Variants in DHX9 observed in about 807,000 individuals in gnomAD.
The protein encoded by DHX9 is ATP-dependent RNA helicase A.
In DHX9, 27 loss-of-function variants were observed where a neutral mutation model predicts 148.7. The observed-to-expected ratio is 0.18, with a 90% CI of 0.13 to 0.25. DHX9 has a LOEUF of 0.25. Among genes scored for constraint, DHX9 ranks in the 10% least tolerant of loss-of-function variants. DHX9 has a pLI of 1.00. For synonymous variants in DHX9, 529 were observed against 516.6 expected, an observed-to-expected ratio of 1.02 and a Z score of -0.33; for missense variants, 796 against 1,559.6, an observed-to-expected ratio of 0.51 and a Z score of 8.25.
intron 5 of DHX9, 63 bp downstream of exon 5, chr1:182,853,481 G>A: frequency 7.9e-7 from 1 of 1,259,836 alleles, no homozygotes; most frequent in East Asian, 2.3e-5. Context: ...TAACAGCAAA[G>A]CTTAGGATTA....
chr1:182,853,270 T>C (rs1005640419), intron 4 of DHX9, 36 bp from the exon 5 acceptor site: 1 of 1,439,298 alleles, frequency 6.9e-7, no homozygotes, highest in East Asian at 2.3e-5. Context: ...TTTCTACAGT[T>C]ATGACTCATT....
At chr1:182,882,563 G>T (rs1649132667) in intron 24 of DHX9, among the ~76,000 whole-genome samples, 1 of 152,104 alleles carries the variant, frequency 6.6e-6, no homozygotes, top group Admixed American at 6.5e-5. Context: ...TTGATTGGGG[G>T]ACTTTAAAAA....
intron 12 of DHX9, among the ~76,000 whole-genome samples, chr1:182,863,452 CTTGG>C (rs1417020885): frequency 1.3e-5 from 2 of 152,038 alleles, no homozygotes; most frequent in African/African-American, 4.8e-5. Context: ...TCTCTGTGTT[CTTGG>C]TTCTTATTTA....
chr1:182,884,860 C>T (rs758189305), intron 27 of DHX9, 47 bp downstream of exon 27: 1 of 1,576,560 alleles, frequency 6.3e-7, no homozygotes, highest in African/African-American at 1.3e-5. Context: ...GGGGAGAGAT[C>T]TTATGTAGGC....
chr1:182,840,517 C>CAA (rs1667904384), intron 1 of DHX9, among the ~76,000 whole-genome samples: 2 of 152,098 alleles, frequency 1.3e-5, no homozygotes, highest in Non-Finnish European at 2.9e-5. Context: ...CCAGGATGGT[C>CAA]TCGATCTCTC....
chr1:182,842,590 G>A lies in DHX9; in HGVS notation c.24G>A (p.Leu8=). 1 of 1,613,286 alleles carries A rather than the reference G, an allele frequency of 6.2e-7. No homozygotes were observed. The highest frequency in any genetic ancestry group is 8.5e-7 in the Non-Finnish European group (1 of 1,179,566). MGDVKNF[L]YAWCGKRKMT... ...TCATGGGTGACGTTAAAAATTTTCTGTATGCCTGGTGTGGCAAAAGGAAGA... is the reference window on the plus strand; with the variant it reads ...TCATGGGTGACGTTAAAAATTTTCTATATGCCTGGTGTGGCAAAAGGAAGA... Residue 8 remains leucine (L), a synonymous_variant, in exon 2 of 28, where the codon CTG becomes CTA. Coordinates refer to ENST00000367549, the MANE Select transcript of DHX9 (RefSeq NM_001357.5).
At chr1:182,861,388 G>C (rs1341446669) in intron 12 of DHX9, among the ~76,000 whole-genome samples, 6 of 152,284 alleles carry the variant, frequency 3.9e-5, no homozygotes, top group African/African-American at 1.4e-4. Context: ...TGCAGCCCCA[G>C]ATGTCATCAT....
intron 7 of DHX9, among the ~76,000 whole-genome samples, chr1:182,857,733 A>G (rs1481947312): frequency 1.3e-5 from 2 of 152,046 alleles, no homozygotes; most frequent in Non-Finnish European, 2.9e-5. Context: ...CTAGGTAACC[A>G]CTCTGGACCC....
chr1:182,883,741 AT>A, intron 26 of DHX9, 106 bp downstream of exon 26: 1 of 677,706 alleles, frequency 1.5e-6, no homozygotes, highest in Non-Finnish European at 2.4e-6. Flanking sequence ...ATCTAACTTA[AT>A]TATATACTAT....
intron 6 of DHX9, among the ~76,000 whole-genome samples, chr1:182,854,486 G>T (rs1230127369): frequency 6.6e-6 from 1 of 152,140 alleles, no homozygotes; most frequent in Non-Finnish European, 1.5e-5. Context: ...GTCCCTAGTT[G>T]ATGTAAAAGC....
chr1:182,872,061 C>T (rs1381198225), intron 14 of DHX9, among the ~76,000 whole-genome samples: 3 of 152,180 alleles, frequency 2.0e-5, no homozygotes, highest in African/African-American at 4.8e-5. Context: ...CCGCCTTGAC[C>T]TCCAAAAATA....
At chr1:182,851,291 A>C (rs907798198) in intron 3 of DHX9, among the ~76,000 whole-genome samples, 1 of 152,240 alleles carries the variant, frequency 6.6e-6, no homozygotes, top group Non-Finnish European at 1.5e-5. Context: ...AAAGCGCCCA[A>C]AAAACCCTAA....
chr1:182,861,132 T>C (rs1218853028), intron 12 of DHX9, among the ~76,000 whole-genome samples: 1 of 152,190 alleles, frequency 6.6e-6, no homozygotes, highest in East Asian at 1.9e-4. Context: ...ATAATTAGTA[T>C]ATTTGTATAA....
intron 5 of DHX9, 94 bp from the exon 6 acceptor site, chr1:182,853,936 A>G (rs992273711): frequency 4.3e-5 from 49 of 1,136,026 alleles, no homozygotes; most frequent in Non-Finnish European, 5.5e-5. Flanking sequence ...TTTGCATTAT[A>G]AAGGATAGTA....
At chr1:182,843,668 T>TA (rs796246060) in intron 3 of DHX9, among the ~76,000 whole-genome samples, 6 of 152,336 alleles carry the variant, frequency 3.9e-5, no homozygotes, top group African/African-American at 1.4e-4. Flanking sequence ...CTTTGTGTCT[T>TA]ATGGCTTTAT....
chr1:182,842,799 G>A (rs1667955754), intron 2 of DHX9, 122 bp downstream of exon 2: 1 of 630,232 alleles, frequency 1.6e-6, no homozygotes, highest in Non-Finnish European at 2.6e-6. Context: ...GTTCTTTATT[G>A]TGACTTGACT....
chr1:182,857,559 G>A (rs1024616468), intron 7 of DHX9, among the ~76,000 whole-genome samples: 6 of 152,142 alleles, frequency 3.9e-5, no homozygotes, highest in Admixed American at 1.3e-4. Flanking sequence ...CTTGAAAAAC[G>A]TAAAGCCATT....
Position 182,878,094 on chromosome 1 carries a change from C to G in DHX9, c.2272C>G (p.Leu758Val), listed in dbSNP as rs1419626908. 6.2e-7 allele frequency: 1 copy of G among 1,614,132 alleles called. No individual in the cohort carries two copies. Among genetic ancestry groups the G allele is most frequent in the African/African-American group, 1.3e-5 (1 of 74,938 alleles). The change falls in exon 20 of 28, where the codon CTT (leucine) becomes GTT (valine). Residue 758 changes from leucine (L) to valine (V), a missense_variant. This residue lies in a region of DHX9 where 6 missense variants were observed against 74.7 expected (regional missense o/e 0.08). Transcript: ENST00000367549. ...YATVWASKTN[L>V]EQRKGRAGRV... The stretch of plus-strand genomic sequence containing the variant: ...TACCGTATGGGCATCAAAAACAAAC[C>G]TTGAGCAACGGAAAGGGCGAGCTGG...
At chr1:182,853,949 AAGAC>A (rs1668208549) in intron 5 of DHX9, 77 bp from the exon 6 acceptor site, 2 of 1,311,148 alleles carry the variant, frequency 1.5e-6, no homozygotes, top group African/African-American at 1.5e-5. Context: ...GGATAGTACA[AAGAC>A]AGTATTAAAA....
Sources: allele counts gnomAD v4.1 joint callset (sites outside exome capture counted in the v4.1 genomes callset), GRCh38; gene constraint gnomAD v4.1.1; regional missense constraint gnomAD v4.1.1; transcripts MANE v1.5; gene names NCBI Gene and HGNC (gene_info 2026-07-23, HGNC 2026-07-21).